YAF2: variants seen among roughly 807,000 people sequenced by gnomAD.
YAF2 encodes the protein YY1-associated factor 2.
YAF2 carries 7 observed loss-of-function variants against 20.1 expected under a neutral mutation model. That is an observed-to-expected ratio of 0.35 (90% CI 0.20 to 0.65). The LOEUF (loss-of-function observed/expected upper bound fraction) is 0.65, where lower values mean the gene tolerates loss of function less well. YAF2 is among the 30% of genes least tolerant of loss of function. The pLI is 0.69. For missense variants in YAF2, 151 were observed against 219.2 expected, an observed-to-expected ratio of 0.69 and a Z score of 1.96; for synonymous variants, 74 against 76.0, an observed-to-expected ratio of 0.97 and a Z score of 0.14.
chr12:42,209,930 C>G (rs894553044), intron 2 of YAF2, among the ~76,000 whole-genome samples: 1 of 152,156 alleles, frequency 6.6e-6, no homozygotes, highest in African/African-American at 2.4e-5. Flanking sequence ...TCCCGAATAG[C>G]TGGGATTACA....
chr12:42,238,154 C>A lies in YAF2; in HGVS notation c.26+1G>T. 6.5e-7 allele frequency: 1 copy of A among 1,544,362 alleles called. No individual in the cohort carries two copies. Among genetic ancestry groups the A allele is most frequent in the Non-Finnish European group, 8.7e-7 (1 of 1,146,942 alleles). The stretch of plus-strand genomic sequence containing the variant: ...GGGCCCCGGGGCCCGGGCGCTGTTA[C>A]CTGGTGGGGCTCTTCTTGTCTCCCA... On this transcript the variant is annotated splice_donor_variant, in intron 1 of 3. Transcript: ENST00000534854. LOFTEE classifies it high-confidence loss of function.
At chr12:42,206,704 C>CAA (rs931777807) in intron 2 of YAF2, among the ~76,000 whole-genome samples, 2 of 147,590 alleles carry the variant, frequency 1.4e-5, no homozygotes, top group African/African-American at 5.0e-5. Flanking sequence ...TCTTTAATGA[C>CAA]AAAAAAAAAA....
chr12:42,228,415 G>A (rs1231134404), intron 2 of YAF2, among the ~76,000 whole-genome samples: 3 of 62,778 alleles, frequency 4.8e-5, no homozygotes, highest in Non-Finnish European at 5.8e-5. Context: ...CGCCCCGTCC[G>A]GGAGGGAGGT....
chr12:42,210,060 A>T (rs2067162438), intron 2 of YAF2, among the ~76,000 whole-genome samples: 2 of 152,228 alleles, frequency 1.3e-5, no homozygotes, highest in Admixed American at 1.3e-4. Flanking sequence ...GGCCTCCAAA[A>T]GTACTGGGAT....
chr12:42,234,804 A>G (rs2068093601), intron 2 of YAF2: 2 of 806,942 alleles, frequency 2.5e-6, no homozygotes, highest in African/African-American at 1.9e-5. Flanking sequence ...CCTAGGCAAC[A>G]TAGAGATCCC....
Position 42,161,509 on chromosome 12 carries a change from A to G in YAF2, c.305+104T>C. On this transcript the variant is annotated intron_variant, in intron 3 of 3. Transcript: ENST00000534854. ...TTCCTGATACCTTATAATAAAGGAG[A>G]CCAAATATTTTACTTCCACTTTGTG... The G allele has an allele frequency of 3.1e-6, 4 of 1,295,746 alleles. No homozygotes were observed. The South Asian group carries it at 5.4e-5, about 18-fold the overall frequency. The allele number at this position is 1,295,746 out of a possible 1,614,324, so 80.3% of individuals were successfully genotyped here.
intron 2 of YAF2, among the ~76,000 whole-genome samples, chr12:42,219,411 G>A (rs554618553): frequency 6.6e-6 from 1 of 152,318 alleles, no homozygotes; most frequent in African/African-American, 2.4e-5. Context: ...GGAATGTACA[G>A]CTGTGTACAG....
intron 2 of YAF2, among the ~76,000 whole-genome samples, chr12:42,198,001 T>A (rs2066798335): frequency 6.6e-6 from 1 of 152,024 alleles, no homozygotes; most frequent in Non-Finnish European, 1.5e-5. Context: ...TCAAATAGTA[T>A]CTACTAGGAA....
chr12:42,173,034 G>C (rs981948693), intron 2 of YAF2, among the ~76,000 whole-genome samples: 1 of 152,116 alleles, frequency 6.6e-6, no homozygotes, highest in Non-Finnish European at 1.5e-5. Flanking sequence ...GGACATGAGA[G>C]AGGGAGAGAG....
intron 2 of YAF2, among the ~76,000 whole-genome samples, chr12:42,211,742 CAAAAAAA>C (rs1173533325): frequency 2.6e-4 from 11 of 42,418 alleles, no homozygotes; most frequent in South Asian, 1.4e-3. Flanking sequence ...AGACTCTGTC[CAAAAAAA>C]AAAAAAAAAA....
At chr12:42,233,008 A>C (rs2068028490) in intron 2 of YAF2, 1 of 985,336 alleles carries the variant, frequency 1.0e-6, no homozygotes, top group Admixed American at 6.1e-5. Context: ...GTAAAATTTT[A>C]AAGAAACAAA....
chr12:42,212,483 T>C (rs188154674), intron 2 of YAF2: 197 of 446,940 alleles, frequency 4.4e-4, no homozygotes, highest in African/African-American at 3.7e-3. Context: ...TGATTCTTCA[T>C]TCTATGGAAA....
chr12:42,209,947 C>A (rs1267382023), intron 2 of YAF2, among the ~76,000 whole-genome samples: 1 of 152,138 alleles, frequency 6.6e-6, no homozygotes, highest in East Asian at 1.9e-4. Context: ...TACAAGCATG[C>A]ACCACCATGC....
chr12:42,170,483 T>C (rs900139980), intron 2 of YAF2, among the ~76,000 whole-genome samples: 1 of 152,206 alleles, frequency 6.6e-6, no homozygotes, highest in African/African-American at 2.4e-5. Context: ...AGGGAGCTCA[T>C]CCACTCTAAG....
At chr12:42,179,762 C>T (rs1245580121) in intron 2 of YAF2, among the ~76,000 whole-genome samples, 2 of 94,744 alleles carry the variant, frequency 2.1e-5, no homozygotes, top group South Asian at 3.6e-4. Context: ...CCAGCCTTGG[C>T]AATGAAGTGA....
chr12:42,233,187 A>G (rs1165296468), intron 2 of YAF2: 1 of 985,304 alleles, frequency 1.0e-6, no homozygotes, highest in Non-Finnish European at 1.2e-6. Flanking sequence ...TCTTTCTACT[A>G]TGTGAAATCT....
rs2066603864 is a variant in YAF2 at position 42,191,191 on chromosome 12, C to T, written c.153-29426G>A. 1.3e-5 allele frequency among the ~76,000 whole-genome samples: 2 copies of T among 152,150 alleles called. 1 individual carries two copies. Among genetic ancestry groups the T allele is most frequent in the South Asian group, 4.1e-4 (2 of 4,834 alleles). On this transcript the variant is annotated intron_variant, in intron 2 of 3. Coordinates refer to ENST00000534854, the MANE Select transcript of YAF2 (RefSeq NM_005748.6). ...GTTTAAAGTACTCCCATTACTGTCT[C>T]TCTCTTCTTCCCTGAATTTATATCG...
Position 42,208,679 on chromosome 12 carries a change from A to G in YAF2, c.152+28920T>C, listed in dbSNP as rs80324953. Among the ~76,000 whole-genome samples the G allele has an allele frequency of 5.7e-4, 87 of 152,318 alleles. No individual in the cohort carries two copies. The East Asian group carries it at 0.015, about 27-fold the overall frequency. ...CCACTTTTCTACTGAAGAACTGAAG[A>G]TAACAAATATACTAGCATAAAAGGA... On this transcript the variant is annotated intron_variant, in intron 2 of 3. Coordinates refer to ENST00000534854, the MANE Select transcript of YAF2 (RefSeq NM_005748.6).
intron 2 of YAF2, among the ~76,000 whole-genome samples, chr12:42,201,488 T>C (rs143879123): frequency 2.6e-3 from 389 of 152,378 alleles, no homozygotes; most frequent in Non-Finnish European, 3.2e-3. Context: ...GATCTTTATA[T>C]AGTCTGGACA....
Sources: gnomAD v4.1 joint callset for allele counts (sites outside exome capture counted in the v4.1 genomes callset) on GRCh38, gnomAD v4.1.1 for gene constraint, MANE v1.5 for transcripts, NCBI Gene and HGNC (gene_info 2026-07-23, HGNC 2026-07-21) for gene names.